The following VIPR2 variants were observed in gnomAD, a reference collection of about 807,000 sequenced individuals.
The protein encoded by VIPR2 is vasoactive intestinal peptide receptor 2.
VIPR2 carries 48 observed loss-of-function variants against 58.0 expected under a neutral mutation model. That is an observed-to-expected ratio of 0.83 (90% CI 0.66 to 1.05). The LOEUF is 1.05. Among genes scored for constraint, VIPR2 ranks in the 50% least tolerant of loss-of-function variants. The pLI, the probability that VIPR2 is intolerant of heterozygous loss-of-function variation, is 0.00. For synonymous variants in VIPR2, 243 were observed against 235.2 expected, an observed-to-expected ratio of 1.03 and a Z score of -0.30; for missense variants, 534 against 558.0, an observed-to-expected ratio of 0.96 and a Z score of 0.43.
At chr7:159,086,761 G>T (rs559938178) in intron 4 of VIPR2, among the ~76,000 whole-genome samples, 1 of 152,336 alleles carries the variant, frequency 6.6e-6, no homozygotes, top group Admixed American at 6.5e-5. Context: ...CACGGTGCTT[G>T]CTTCCCACCC....
At position 159,097,902 on chromosome 7, in the gene VIPR2, C is replaced by T. The variant is rs73169246; in HGVS notation, c.357+5855G>A. 0.13 allele frequency among the ~76,000 whole-genome samples: 19,328 copies of T among 152,096 alleles called. 1,424 individuals carry two copies. Among genetic ancestry groups the T allele is most frequent in the East Asian group, 0.16 (826 of 5,146 alleles). On this transcript the variant is annotated intron_variant, in intron 4 of 12. Transcript: ENST00000262178. The surrounding 1 kb of genome is among the most constrained non-coding windows in gnomAD (Gnocchi z 5.3). ...GCTGAGGCCAAGGCTTCTGGCCTCT[C>T]GTGTAAGGATTCCAGGCTCTGACTC...
chr7:159,096,794 C>G lies in VIPR2; in HGVS notation c.357+6963G>C. On this transcript the variant is annotated intron_variant, in intron 4 of 12. Coordinates refer to ENST00000262178, the MANE Select transcript of VIPR2 (RefSeq NM_003382.5). The surrounding 1 kb of genome is among the most constrained non-coding windows in gnomAD (Gnocchi z 5.5). Reference sequence around the variant, plus strand: ...CCCCTGCCTGAGGTCAGTCTCGTGGCCCCCGCAGCAGCCACAGGCCCAGCT... The same window carrying G: ...CCCCTGCCTGAGGTCAGTCTCGTGGGCCCCGCAGCAGCCACAGGCCCAGCT... 7.0e-7 allele frequency: 1 copy of G among 1,427,810 alleles called. No individual in the cohort carries two copies. The highest frequency in any genetic ancestry group is 1.4e-5 in the African/African-American group (1 of 69,788). 88.4% of individuals were successfully genotyped at this position (1,427,810 alleles called of 1,614,324 possible). A position where few individuals can be genotyped will look rare whatever the true frequency, so the allele number is the denominator to read the frequency against.
At chr7:159,112,191 A>G (rs1013202693) in intron 2 of VIPR2, among the ~76,000 whole-genome samples, 2 of 152,248 alleles carry the variant, frequency 1.3e-5, no homozygotes, top group African/African-American at 2.4e-5. Context: ...AAACATCTAG[A>G]GCTAATCATC....
chr7:159,089,523 G>T (rs183777069), intron 4 of VIPR2, among the ~76,000 whole-genome samples: 27 of 152,372 alleles, frequency 1.8e-4, no homozygotes, highest in Admixed American at 1.1e-3. Flanking sequence ...ATTAAATTTA[G>T]AATTTCATGT....
chr7:159,037,299 G>A (rs529163943), intron 6 of VIPR2, among the ~76,000 whole-genome samples: 3 of 152,308 alleles, frequency 2.0e-5, no homozygotes, highest in East Asian at 3.9e-4. Flanking sequence ...TGGTCCTGCC[G>A]GCCAGCAAAG....
intron 4 of VIPR2, among the ~76,000 whole-genome samples, chr7:159,071,398 A>AGTGG (rs1245345648): frequency 6.6e-6 from 1 of 152,130 alleles, no homozygotes; most frequent in African/African-American, 2.4e-5. Context: ...CCACTCAGAG[A>AGTGG]GTGCCTGTCC....
intron 4 of VIPR2, among the ~76,000 whole-genome samples, chr7:159,088,292 CA>C (rs1288852859): frequency 1.3e-5 from 2 of 152,150 alleles, no homozygotes; most frequent in African/African-American, 4.8e-5. Flanking sequence ...TACACCTGAA[CA>C]CCCGCATACC....
intron 5 of VIPR2, among the ~76,000 whole-genome samples, chr7:159,056,121 G>A (rs181278948): frequency 8.5e-5 from 13 of 152,192 alleles, no homozygotes; most frequent in Admixed American, 2.0e-4. Context: ...TGGGTCAGTG[G>A]CAGTACTTAC....
chr7:159,041,624 G>A (rs1027038936), intron 6 of VIPR2, among the ~76,000 whole-genome samples: 89 of 148,564 alleles, frequency 6.0e-4, no homozygotes, highest in Non-Finnish European at 7.4e-4. Context: ...TCACAGGTCC[G>A]TTGAGGGTCC....
rs568706672 is a variant in VIPR2, at chr7:159,109,547, C to G, written c.259+265G>C. On this transcript the variant is annotated intron_variant, in intron 3 of 12. Coordinates refer to ENST00000262178, the MANE Select transcript of VIPR2 (RefSeq NM_003382.5). ...CCCCTCCCCTCTCATGCACGTTTCCCGTGCTTTGGTTCCCATTTGGCTCCT... is the reference window on the plus strand; with the variant it reads ...CCCCTCCCCTCTCATGCACGTTTCCGGTGCTTTGGTTCCCATTTGGCTCCT... Among the ~76,000 whole-genome samples the G allele has an allele frequency of 3.3e-5, 5 of 152,286 alleles. No homozygotes were observed. The South Asian group carries it at 1.0e-3, about 32-fold the overall frequency.
At chr7:159,129,082 C>G (rs555210436) in intron 2 of VIPR2, among the ~76,000 whole-genome samples, 64 of 152,334 alleles carry the variant, frequency 4.2e-4, no homozygotes, top group African/African-American at 1.3e-3. Flanking sequence ...TCACCACCCG[C>G]CTGGGGGGTC....
intron 3 of VIPR2, among the ~76,000 whole-genome samples, chr7:159,104,296 C>T (rs951901980): frequency 3.3e-5 from 5 of 151,244 alleles, no homozygotes; most frequent in Non-Finnish European, 5.9e-5. Context: ...CCGGGTACCC[C>T]GCCTGCTCCA....
chr7:159,096,980 G>C lies in VIPR2; in HGVS notation c.357+6777C>G, dbSNP rs1233578857. ...ACCTGCTGGGCCTGAGGACCATGAG[G>C]GGAGGCTTCCTTCAGAAAAGCTGCT... On this transcript the variant is annotated intron_variant, in intron 4 of 12. Coordinates refer to ENST00000262178, the MANE Select transcript of VIPR2 (RefSeq NM_003382.5). This position sits in a 1 kb window ranked among gnomAD's most constrained non-coding sequence, Gnocchi z 5.5. The C allele has an allele frequency of 1.7e-5, 26 of 1,550,516 alleles. No homozygotes were observed. The highest frequency in any genetic ancestry group is 2.1e-5 in the Non-Finnish European group (24 of 1,147,000).
intron 2 of VIPR2, among the ~76,000 whole-genome samples, chr7:159,136,858 C>A (rs959566090): frequency 6.6e-6 from 1 of 152,188 alleles, no homozygotes; most frequent in African/African-American, 2.4e-5. Context: ...GCAGCCGCCA[C>A]TCGTCACCAA....
At chr7:159,137,161 G>T (rs1797264110) in intron 2 of VIPR2, among the ~76,000 whole-genome samples, 1 of 152,094 alleles carries the variant, frequency 6.6e-6, no homozygotes, top group Non-Finnish European at 1.5e-5. Flanking sequence ...ACCCTGAATG[G>T]CTTCCTGTGA....
chr7:159,110,027 C>G, intron 2 of VIPR2, 108 bp from the exon 3 acceptor site: 1 of 962,768 alleles, frequency 1.0e-6, no homozygotes, highest in Non-Finnish European at 1.6e-6. Context: ...CTGTGAAACA[C>G]ACTTGCACCA....
At chr7:159,144,384 C>T in intron 1 of VIPR2, 4 of 1,544,270 alleles carry the variant, frequency 2.6e-6, no homozygotes, top group Non-Finnish European at 3.5e-6. Context: ...CGCAGGCGCC[C>T]GCAGCTCCCA....
chr7:159,061,690 T>G (rs1448494055), intron 4 of VIPR2, among the ~76,000 whole-genome samples: 47 of 151,704 alleles, frequency 3.1e-4, no homozygotes. Context: ...AAGTGAAAAA[T>G]AATCCATACT....
At chr7:159,036,726 T>C (rs1164154591) in intron 7 of VIPR2, 26 bp downstream of exon 7, 4 of 1,601,352 alleles carry the variant, frequency 2.5e-6, no homozygotes, top group Admixed American at 1.7e-5. Flanking sequence ...GATGGAGGGT[T>C]TGTGGGTGGG....
Sources: gnomAD v4.1 joint callset for allele counts (sites outside exome capture counted in the v4.1 genomes callset) on GRCh38, gnomAD v4.1.1 for gene constraint, Gnocchi (gnomAD v3.1) non-coding constraint, MANE v1.5 for transcripts, NCBI Gene and HGNC (gene_info 2026-07-23, HGNC 2026-07-21) for gene names.